The following MYRIP variants were observed in gnomAD, a reference collection of about 807,000 sequenced individuals.
MYRIP encodes the protein rab effector MyRIP.
Under a neutral mutation model 98.0 loss-of-function variants are expected in MYRIP, and 49 were observed. That is an observed-to-expected ratio of 0.50 (90% confidence interval 0.40 to 0.63). The LOEUF is 0.63. MYRIP is among the 30% of genes least tolerant of loss of function. MYRIP has a pLI of 0.00. For synonymous variants in MYRIP, 404 were observed against 409.5 expected (o/e 0.99, Z 0.16); for missense variants, 1,004 against 1,058.2 (o/e 0.95, Z 0.71).
intron 3 of MYRIP, among the ~76,000 whole-genome samples, chr3:40,107,058 T>A (rs1949062905): frequency 6.6e-6 from 1 of 152,272 alleles, no homozygotes; most frequent in Non-Finnish European, 1.5e-5. Flanking sequence ...ACGTGCCTTA[T>A]CAATAGATTA....
At chr3:40,253,447 C>A (rs62261855) in intron 16 of MYRIP, among the ~76,000 whole-genome samples, 1,897 of 152,026 alleles carry the variant, frequency 0.012, 17 homozygotes, top group Non-Finnish European at 0.017. Context: ...ACAAATAAGA[C>A]GAGAAAACCC....
intron 2 of MYRIP, among the ~76,000 whole-genome samples, chr3:39,955,053 C>T (rs1249432713): frequency 3.3e-5 from 5 of 152,070 alleles, no homozygotes; most frequent in African/African-American, 1.2e-4. Flanking sequence ...ATCTGATTGG[C>T]GTACCTGAAA....
chr3:40,156,998 G>C (rs1459481126), intron 4 of MYRIP, among the ~76,000 whole-genome samples: 2,467 of 150,886 alleles, frequency 0.016, 80 homozygotes, highest in African/African-American at 0.058. Flanking sequence ...CCTTCTCCTG[G>C]CTAATTGCTC....
chr3:40,054,552 C>A (rs1947847220), intron 3 of MYRIP, among the ~76,000 whole-genome samples: 1 of 152,250 alleles, frequency 6.6e-6, no homozygotes, highest in South Asian at 2.1e-4. Flanking sequence ...AATTGCCCTT[C>A]ACAATGTGGG....
chr3:40,255,019 T>TTGAAATAAAAGTTACTC (rs1160179184), intron 16 of MYRIP, among the ~76,000 whole-genome samples: 2 of 152,190 alleles, frequency 1.3e-5, no homozygotes, highest in Non-Finnish European at 2.9e-5. Context: ...ATACATCCTT[T>TTGAAATAAAAGTTACTC]TGAAATAAAA....
At chr3:40,073,208 G>C (rs947166099) in intron 3 of MYRIP, among the ~76,000 whole-genome samples, 1 of 152,144 alleles carries the variant, frequency 6.6e-6, no homozygotes, top group African/African-American at 2.4e-5. Context: ...AAGTATGAGG[G>C]TTCTGTGTTC....
chr3:40,166,184 T>C (rs1470598268), intron 5 of MYRIP, among the ~76,000 whole-genome samples: 1 of 152,222 alleles, frequency 6.6e-6, no homozygotes, highest in South Asian at 2.1e-4. Flanking sequence ...CATTAAGTCA[T>C]ATGCACAGCC....
intron 2 of MYRIP, among the ~76,000 whole-genome samples, chr3:39,999,452 A>T (rs1284775774): frequency 6.6e-6 from 1 of 152,240 alleles, no homozygotes; most frequent in Non-Finnish European, 1.5e-5. Flanking sequence ...CATCAGAGAA[A>T]TGCAAATCAA....
intron 2 of MYRIP, among the ~76,000 whole-genome samples, chr3:40,010,524 A>G (rs1166667656): frequency 6.6e-6 from 1 of 152,234 alleles, no homozygotes; most frequent in Non-Finnish European, 1.5e-5. Flanking sequence ...AGAGCAGAAC[A>G]GGACAGCCCA....
chr3:40,114,488 T>C (rs1949233042), intron 3 of MYRIP, among the ~76,000 whole-genome samples: 1 of 152,278 alleles, frequency 6.6e-6, no homozygotes, highest in South Asian at 2.1e-4. Context: ...AAAAGACAAA[T>C]TAGTAAAATA....
In MYRIP at chr3:40,209,987, C is replaced by A; in HGVS notation, c.1799C>A (p.Ser600Tyr). 7.4e-6 allele frequency: 12 copies of A among 1,614,070 alleles called. No homozygotes were observed. Among genetic ancestry groups the A allele is most frequent in the Non-Finnish European group, 1.0e-5 (12 of 1,179,978 alleles). ...ATGAAAATGAGTGAAAAGGAGACTT[C>A]TTCAGGGGAGGATCAGGAGTCTGAG... ...LAMKMSEKET[S>Y]SGEDQESEPK... Residue 600 changes from serine (S) to tyrosine (Y), a missense_variant, in exon 11 of 17, where the codon TCT (serine) becomes TAT (tyrosine). Physicochemically the swap from Ser to Tyr is moderately radical, Grantham distance 144. This residue lies in a region of MYRIP where 880 missense variants were observed against 907.7 expected (regional missense o/e 0.97). Transcript: ENST00000302541.
intron 1 of MYRIP, among the ~76,000 whole-genome samples, chr3:39,868,746 T>C (rs1942696314): frequency 6.6e-6 from 1 of 152,168 alleles, no homozygotes; most frequent in African/African-American, 2.4e-5. Context: ...TGCAAACCAA[T>C]GAATCCAAAG....
intron 11 of MYRIP, among the ~76,000 whole-genome samples, chr3:40,217,443 TTGTTA>T (rs1952159622): frequency 6.6e-6 from 1 of 152,224 alleles, no homozygotes; most frequent in Non-Finnish European, 1.5e-5. Flanking sequence ...ATTAACATTT[TTGTTA>T]TATTTACAGG....
At chr3:39,954,269 C>A (rs1195186519) in intron 2 of MYRIP, among the ~76,000 whole-genome samples, 1 of 152,046 alleles carries the variant, frequency 6.6e-6, no homozygotes, top group Non-Finnish European at 1.5e-5. Context: ...CAGTAGGGGC[C>A]AATTGACACC....
At chr3:40,214,648 C>T (rs1952062239) in intron 11 of MYRIP, among the ~76,000 whole-genome samples, 1 of 152,270 alleles carries the variant, frequency 6.6e-6, no homozygotes, top group South Asian at 2.1e-4. Flanking sequence ...CCCAAAAGGT[C>T]ATGTTTCTTC....
intron 3 of MYRIP, among the ~76,000 whole-genome samples, chr3:40,058,726 G>A (rs567992171): frequency 1.3e-5 from 2 of 152,092 alleles, no homozygotes; most frequent in African/African-American, 4.8e-5. Flanking sequence ...CATGGTACTT[G>A]GGTTGTATTC....
chr3:39,972,972 G>A (rs1046768058), intron 2 of MYRIP, among the ~76,000 whole-genome samples: 1 of 151,874 alleles, frequency 6.6e-6, no homozygotes, highest in African/African-American at 2.4e-5. Context: ...TGCATGTGTA[G>A]TAAGACTAAT....
At position 40,258,137 on chromosome 3, in the gene MYRIP, C is replaced by A. The variant is rs1443751350; in HGVS notation, c.2551C>A (p.Pro851Thr). ...RKGTTKDLME[P>T]ALESAVMY The stretch of plus-strand genomic sequence containing the variant: ...TGTGTTCAATGTCTCACCTCAGGAG[C>A]CTGCTCTGGAGTCAGCTGTGATGTA... The change falls in exon 17 of 17, where the codon CCT becomes ACT. Residue 851 changes from proline to threonine, a missense_variant. Physicochemically the swap from Pro to Thr is conservative, Grantham distance 38. Coordinates refer to ENST00000302541, the MANE Select transcript of MYRIP (RefSeq NM_015460.4). 1.2e-6 allele frequency: 2 copies of A among 1,614,092 alleles called. No homozygotes were observed. Among genetic ancestry groups the A allele is most frequent in the Admixed American group, 1.7e-5 (1 of 59,998 alleles).
chr3:39,932,992 G>C (rs1559527300), intron 2 of MYRIP, among the ~76,000 whole-genome samples: 1 of 152,330 alleles, frequency 6.6e-6, no homozygotes, highest in African/African-American at 2.4e-5. Context: ...AATGAGGACA[G>C]AATACATAGC....
Sources: gnomAD v4.1 joint callset for allele counts (sites outside exome capture counted in the v4.1 genomes callset) on GRCh38, gnomAD v4.1.1 for gene constraint, gnomAD v4.1.1 regional missense constraint, MANE v1.5 for transcripts, NCBI Gene and HGNC (gene_info 2026-07-23, HGNC 2026-07-21) for gene names.